The following BZW2 variants were observed in gnomAD, a reference collection of about 807,000 sequenced individuals.
The protein encoded by BZW2 is basic leucine zipper and W2 domains 2.
Under a neutral mutation model 53.2 loss-of-function variants are expected in BZW2, and 23 were observed. The ratio of observed to expected loss-of-function variants is 0.43; its 90% CI spans 0.31 to 0.61. BZW2 has a LOEUF of 0.61. Among genes scored for constraint, BZW2 ranks in the 20% least tolerant of loss-of-function variants. BZW2 has a pLI of 0.09. For missense variants in BZW2, 409 were observed against 503.1 expected, an observed-to-expected ratio of 0.81 and a Z score of 1.79; for synonymous variants, 227 against 186.4, an observed-to-expected ratio of 1.22 and a Z score of -1.77.
chr7:16,651,527 T>C (rs1472302590), intron 1 of BZW2, among the ~76,000 whole-genome samples: 1 of 152,250 alleles, frequency 6.6e-6, no homozygotes, highest in East Asian at 1.9e-4. Flanking sequence ...TGAATGGGAC[T>C]ATTATAAACA....
intron 1 of BZW2, among the ~76,000 whole-genome samples, chr7:16,653,239 A>G (rs535437395): frequency 6.6e-6 from 1 of 152,062 alleles, no homozygotes; most frequent in East Asian, 1.9e-4. Flanking sequence ...CCAAAACAGA[A>G]TTCTCTCACT....
chr7:16,665,680 G>T (rs1215684167), intron 2 of BZW2, among the ~76,000 whole-genome samples, 179 bp downstream of exon 2: 2 of 152,182 alleles, frequency 1.3e-5, no homozygotes, highest in Non-Finnish European at 2.9e-5. Flanking sequence ...TGTTGGACAA[G>T]TTATTTAATT....
At chr7:16,686,356 C>A in intron 6 of BZW2, 1 of 257,402 alleles carries the variant, frequency 3.9e-6, no homozygotes, top group Non-Finnish European at 7.7e-6. Context: ...TCTTTTTGCC[C>A]TTCGACACAA....
At chr7:16,698,453 G>GA (rs1011900371) in intron 10 of BZW2, among the ~76,000 whole-genome samples, 1 of 151,668 alleles carries the variant, frequency 6.6e-6, no homozygotes, top group Non-Finnish European at 1.5e-5. Context: ...GGGGTTGGTG[G>GA]AAAAAAAATG....
intron 2 of BZW2, among the ~76,000 whole-genome samples, chr7:16,669,866 C>A (rs1009671593): frequency 6.6e-6 from 1 of 152,214 alleles, no homozygotes; most frequent in African/African-American, 2.4e-5. Flanking sequence ...TCAAGGCAGA[C>A]TTGAACTGCC....
chr7:16,694,692 C>T (rs1583748348), intron 7 of BZW2, 142 bp from the exon 8 acceptor site: 1 of 661,882 alleles, frequency 1.5e-6, no homozygotes, highest in Non-Finnish European at 2.3e-6. Flanking sequence ...GTAAATATAC[C>T]AGAGATTTGT....
intron 7 of BZW2, among the ~76,000 whole-genome samples, chr7:16,692,237 A>G (rs1783331405): frequency 7.0e-6 from 1 of 142,206 alleles, no homozygotes; most frequent in African/African-American, 2.9e-5. Context: ...GGAGAAGCCA[A>G]CCCTTATTAC....
At chr7:16,676,777 A>G (rs1288224909) in intron 3 of BZW2, among the ~76,000 whole-genome samples, 3 of 152,190 alleles carry the variant, frequency 2.0e-5, no homozygotes, top group Non-Finnish European at 4.4e-5. Flanking sequence ...CCAAAGTCAC[A>G]TGACTGTAGT....
intron 9 of BZW2, 149 bp from the exon 10 acceptor site, chr7:16,697,899 C>A: frequency 1.1e-6 from 1 of 896,804 alleles, no homozygotes; most frequent in South Asian, 1.8e-5. Flanking sequence ...TTCCCCTCAC[C>A]CCATTGGGCA....
At chr7:16,656,137 C>CCATATATATATATATATATATATATA (rs1663822956) in intron 1 of BZW2, among the ~76,000 whole-genome samples, 2 of 141,454 alleles carry the variant, frequency 1.4e-5, no homozygotes, top group African/African-American at 5.8e-5. Flanking sequence ...ATATAAATGA[C>CCATATATATATATATATATATATATA]TATATATATA....
intron 1 of BZW2, among the ~76,000 whole-genome samples, chr7:16,656,029 A>G (rs1583700262): frequency 6.6e-6 from 1 of 152,024 alleles, no homozygotes; most frequent in Non-Finnish European, 1.5e-5. Flanking sequence ...CATAGATACC[A>G]TAATTTTATC....
chr7:16,681,141 G>A (rs1344471130), intron 3 of BZW2, among the ~76,000 whole-genome samples, 160 bp from the exon 4 acceptor site: 1 of 152,092 alleles, frequency 6.6e-6, no homozygotes, highest in Non-Finnish European at 1.5e-5. Flanking sequence ...AGCAACGTGT[G>A]TACATCTATA....
intron 3 of BZW2, among the ~76,000 whole-genome samples, chr7:16,680,051 A>G (rs1782890377): frequency 6.6e-6 from 1 of 152,172 alleles, no homozygotes; most frequent in South Asian, 2.1e-4. Context: ...TAGCCAACAT[A>G]GCAGCTGGGC....
intron 9 of BZW2, 99 bp downstream of exon 9, chr7:16,697,160 G>A (rs549888477): frequency 1.3e-5 from 18 of 1,371,778 alleles, no homozygotes; most frequent in East Asian, 7.6e-5. Context: ...CACGATCTGC[G>A]CTCACTGCAA....
intron 3 of BZW2, among the ~76,000 whole-genome samples, chr7:16,680,290 G>A (rs1782901723): frequency 6.6e-6 from 1 of 152,194 alleles, no homozygotes. Flanking sequence ...AGTGGGAAGT[G>A]TTTGGAGTTG....
chr7:16,698,346 A>G (rs760531160), intron 10 of BZW2, 160 bp downstream of exon 10: 11 of 975,436 alleles, frequency 1.1e-5, no homozygotes, highest in Non-Finnish European at 1.7e-5. Flanking sequence ...TACCATGTAG[A>G]GAGAGGAGGC....
chr7:16,691,610 A>G (rs1411690616), intron 7 of BZW2, among the ~76,000 whole-genome samples: 2 of 152,256 alleles, frequency 1.3e-5, no homozygotes, highest in African/African-American at 4.8e-5. Flanking sequence ...ATGCCTGGCA[A>G]TAGATTGGGA....
intron 3 of BZW2, among the ~76,000 whole-genome samples, chr7:16,676,010 G>C (rs191328843): frequency 6.6e-6 from 1 of 151,908 alleles, no homozygotes; most frequent in South Asian, 2.1e-4. Flanking sequence ...GAACCTAGAA[G>C]GCAGAGGTTA....
chr7:16,705,697 A>G (rs1002887764), intron 11 of BZW2, among the ~76,000 whole-genome samples: 10 of 150,046 alleles, frequency 6.7e-5, no homozygotes, highest in Non-Finnish European at 1.0e-4. Flanking sequence ...AAAAAAAAAA[A>G]AAAAAGAATA....
Sources: gnomAD v4.1 joint callset for allele counts (sites outside exome capture counted in the v4.1 genomes callset) on GRCh38, gnomAD v4.1.1 for gene constraint, MANE v1.5 for transcripts, NCBI Gene and HGNC (gene_info 2026-07-23, HGNC 2026-07-21) for gene names.